The following OTUD7B variants were observed in gnomAD, a reference collection of about 807,000 sequenced individuals.
OTUD7B encodes OTU domain-containing protein 7B.
Under a neutral mutation model 82.2 loss-of-function variants are expected in OTUD7B, and 34 were observed. That is an observed-to-expected ratio of 0.41 (90% confidence interval 0.31 to 0.55). OTUD7B has a LOEUF of 0.55. Among genes scored for constraint, OTUD7B ranks in the 20% least tolerant of loss-of-function variants. The pLI, the probability that OTUD7B is intolerant of heterozygous loss-of-function variation, is 0.20. For synonymous variants in OTUD7B, 398 were observed against 402.7 expected, an observed-to-expected ratio of 0.99 and a Z score of 0.14; for missense variants, 944 against 1,062.1, an observed-to-expected ratio of 0.89 and a Z score of 1.55.
upstream of OTUD7B, among the ~76,000 whole-genome samples, chr1:150,011,254 C>A (rs1653035853): frequency 6.6e-6 from 1 of 152,116 alleles, no homozygotes. Context: ...AACAGTGATA[C>A]CCTGTTGATA....
the OTUD7B span, among the ~76,000 whole-genome samples, chr1:150,042,159 C>T: frequency 7.4e-6 from 1 of 134,304 alleles, no homozygotes; most frequent in Non-Finnish European, 1.6e-5. Context: ...TCCTCCCTTC[C>T]TTCCTTCCTT....
chr1:149,967,296 G>A lies in OTUD7B; in HGVS notation c.500C>T (p.Ala167Val). 6.2e-7 allele frequency: 1 copy of A among 1,609,864 alleles called. No individual in the cohort carries two copies. The highest frequency in any genetic ancestry group is 8.5e-7 in the Non-Finnish European group (1 of 1,176,504). The change falls in exon 4 of 12, where the codon GCA (alanine) becomes GTA (valine). Residue 167 changes from alanine to valine, a missense_variant and splice_region_variant. Coordinates refer to ENST00000581312, the MANE Select transcript of OTUD7B (RefSeq NM_020205.4). ...EQSMLVALEQ[A>V]GRLNWWVSVD... ...TGGGAGAGGAAGCACTCACTGACCT[G>A]CCTGTTCCAAGGCAACCAGCATGGA...
intron 1 of OTUD7B, among the ~76,000 whole-genome samples, chr1:150,000,754 AG>A (rs1251016698): frequency 9.9e-5 from 15 of 152,088 alleles, no homozygotes; most frequent in Non-Finnish European, 2.2e-4. Flanking sequence ...CAATGTGGGC[AG>A]ATCACTTGAG....
chr1:150,036,764 C>T, the OTUD7B span, among the ~76,000 whole-genome samples: 172 of 152,142 alleles, frequency 1.1e-3, no homozygotes, highest in African/African-American at 3.9e-3. Flanking sequence ...ACTTTAAGAC[C>T]ATTTCCATAT....
chr1:150,040,344 T>C, the OTUD7B span, among the ~76,000 whole-genome samples: 23 of 152,356 alleles, frequency 1.5e-4, no homozygotes, highest in Non-Finnish European at 2.5e-4. Context: ...ACTTAATATA[T>C]GCCAGGCAGC....
At chr1:150,006,237 C>T (rs1333604285) in intron 1 of OTUD7B, among the ~76,000 whole-genome samples, 2 of 152,156 alleles carry the variant, frequency 1.3e-5, no homozygotes, top group African/African-American at 4.8e-5. Flanking sequence ...TCAGGCGGAT[C>T]ACGAGGTCAG....
At chr1:149,974,014 G>A (rs1650117217) in intron 2 of OTUD7B, among the ~76,000 whole-genome samples, 1 of 151,710 alleles carries the variant, frequency 6.6e-6, no homozygotes, top group Admixed American at 6.6e-5. Context: ...GCGTCACCAC[G>A]CCCGGCCAAG....
At chr1:150,058,311 A>T in the OTUD7B span, among the ~76,000 whole-genome samples, 1 of 152,144 alleles carries the variant, frequency 6.6e-6, no homozygotes, top group East Asian at 1.9e-4. Flanking sequence ...GTTCGAGATC[A>T]GCCTGGGCAA....
At chr1:149,985,159 G>A (rs1553780566) in intron 1 of OTUD7B, among the ~76,000 whole-genome samples, 1 of 152,172 alleles carries the variant, frequency 6.6e-6, no homozygotes, top group African/African-American at 2.4e-5. Flanking sequence ...TGTAATCCCA[G>A]CACTTTGGGA....
At chr1:149,955,899 C>T (rs7417057) in intron 7 of OTUD7B, among the ~76,000 whole-genome samples, 53 of 152,224 alleles carry the variant, frequency 3.5e-4, no homozygotes, top group African/African-American at 1.0e-3. Context: ...AGATCTTCCT[C>T]CATCCCTTTA....
intron 5 of OTUD7B, among the ~76,000 whole-genome samples, chr1:149,964,907 GT>G (rs1371945339): frequency 0.12 from 17,092 of 146,706 alleles, 1,690 homozygotes; most frequent in African/African-American, 0.25. Context: ...TTTTTTTTTT[GT>G]AGACAGAGTC....
At chr1:149,992,093 T>C (rs1311352842) in intron 1 of OTUD7B, among the ~76,000 whole-genome samples, 10 of 151,968 alleles carry the variant, frequency 6.6e-5, no homozygotes, top group Admixed American at 6.6e-4. Flanking sequence ...CTGGGCATGG[T>C]GCACACCTGT....
chr1:149,986,868 A>T (rs1571697739), intron 1 of OTUD7B, among the ~76,000 whole-genome samples: 1 of 152,210 alleles, frequency 6.6e-6, no homozygotes, highest in East Asian at 1.9e-4. Flanking sequence ...AGTCAAAGAA[A>T]CAAAATATAA....
At chr1:150,037,812 A>G in the OTUD7B span, among the ~76,000 whole-genome samples, 1 of 152,020 alleles carries the variant, frequency 6.6e-6, no homozygotes, top group East Asian at 1.9e-4. Context: ...TTTTAAATAA[A>G]ATATTTATTT....
At chr1:149,992,166 A>C (rs1651611982) in intron 1 of OTUD7B, among the ~76,000 whole-genome samples, 1 of 152,160 alleles carries the variant, frequency 6.6e-6, no homozygotes, top group South Asian at 2.1e-4. Flanking sequence ...CGGAGGTTGC[A>C]CTGAGCTGAC....
intron 9 of OTUD7B, 97 bp from the exon 10 acceptor site, chr1:149,949,180 T>G (rs1055720707): frequency 5.5e-6 from 4 of 723,376 alleles, no homozygotes; most frequent in Non-Finnish European, 4.8e-6. Flanking sequence ...AGGTCTTTAA[T>G]TGTAGTCACT....
At chr1:149,999,006 C>T (rs1465918240) in intron 1 of OTUD7B, among the ~76,000 whole-genome samples, 2 of 151,972 alleles carry the variant, frequency 1.3e-5, no homozygotes, top group African/African-American at 4.8e-5. Context: ...AATATAAATT[C>T]CCAAGGGGCC....
At chr1:149,975,044 C>T (rs587751785) in intron 2 of OTUD7B, among the ~76,000 whole-genome samples, 2 of 152,236 alleles carry the variant, frequency 1.3e-5, no homozygotes, top group South Asian at 4.2e-4. Context: ...CTTCCTACCA[C>T]TTTTGCACCA....
chr1:149,984,426 G>C (rs1650995741), intron 1 of OTUD7B, among the ~76,000 whole-genome samples: 1 of 152,114 alleles, frequency 6.6e-6, no homozygotes, highest in Non-Finnish European at 1.5e-5. Context: ...CCTTACTTCT[G>C]CTCTCTTTGT....
Sources: gnomAD v4.1 joint callset for allele counts (sites outside exome capture counted in the v4.1 genomes callset) on GRCh38, gnomAD v4.1.1 for gene constraint, MANE v1.5 for transcripts, NCBI Gene and HGNC (gene_info 2026-07-23, HGNC 2026-07-21) for gene names.